Variants in CEBPG observed in about 807,000 individuals in gnomAD.
CEBPG encodes the protein CCAAT/enhancer-binding protein gamma.
In CEBPG, 6 loss-of-function variants were observed where a neutral mutation model predicts 11.1. The ratio of observed to expected loss-of-function variants is 0.54; its 90% CI spans 0.30 to 1.07. The LOEUF is 1.07. Ranked by LOEUF, CEBPG falls within the 50% of genes least tolerant of loss-of-function variation. The pLI is 0.07. For synonymous variants in CEBPG, 66 were observed against 71.0 expected, an observed-to-expected ratio of 0.93 and a Z score of 0.36; for missense variants, 161 against 187.4, an observed-to-expected ratio of 0.86 and a Z score of 0.82.
Position 33,380,951 on chromosome 19 carries a change from G to C in CEBPG, c.*1259G>C, listed in dbSNP as rs1967978576. Reference sequence around the variant, plus strand: ...TTCAGAAAATGCTGATAAAACTCAGGATATTGACATTTTTGTTGAGACTAA... The same window carrying C: ...TTCAGAAAATGCTGATAAAACTCAGCATATTGACATTTTTGTTGAGACTAA... On this transcript the variant is annotated 3_prime_UTR_variant, in exon 2 of 2. Coordinates refer to ENST00000284000, the MANE Select transcript of CEBPG (RefSeq NM_001806.4). 6.0e-6 allele frequency: 1 copy of C among 166,948 alleles called. No homozygotes were observed. Among genetic ancestry groups the C allele is most frequent in the Non-Finnish European group, 1.5e-5 (1 of 68,120 alleles). The allele number at this position is 166,948 out of a possible 1,614,324, so 10.3% of individuals were successfully genotyped here.
At position 33,381,988 on chromosome 19, in the gene CEBPG, C is replaced by T. The variant is rs994952572; in HGVS notation, c.*2296C>T. On this transcript the variant is annotated 3_prime_UTR_variant, in exon 2 of 2. Coordinates refer to ENST00000284000, the MANE Select transcript of CEBPG (RefSeq NM_001806.4). ...ATTTATCAGTATAAAATTAGGGAAA[C>T]CACGTGTGGGGAATGAATCAATTTA... 6.0e-6 allele frequency: 1 copy of T among 167,078 alleles called. No homozygotes were observed. Among genetic ancestry groups the T allele is most frequent in the East Asian group, 1.9e-4 (1 of 5,204 alleles). 10.3% of individuals were successfully genotyped at this position (167,078 alleles called of 1,614,324 possible).
At chr19:33,376,681 C>T (rs1169524450) in intron 1 of CEBPG, among the ~76,000 whole-genome samples, 6 of 152,220 alleles carry the variant, frequency 3.9e-5, no homozygotes, top group African/African-American at 9.7e-5. Context: ...AGCCAGGCGC[C>T]GCCCTGCATC....
Position 33,379,207 on chromosome 19 carries a change from A to G in CEBPG, c.-33A>G, listed in dbSNP as rs760729313. 6 of 1,505,670 alleles carry G rather than the reference A, an allele frequency of 4.0e-6. No homozygotes were observed. Among genetic ancestry groups the G allele is most frequent in the East Asian group, 4.6e-5 (2 of 43,826 alleles). 93.3% of individuals were successfully genotyped at this position (1,505,670 alleles called of 1,614,324 possible). On this transcript the variant is annotated 5_prime_UTR_variant, in exon 2 of 2. Coordinates refer to ENST00000284000, the MANE Select transcript of CEBPG (RefSeq NM_001806.4). ...CATTGATCACCCTGCTCTCATTTCT[A>G]CCTGTTCTGTGTTGGCAAGGGAGAG... is the stretch of plus-strand genomic sequence containing the variant.
At position 33,379,362 on chromosome 19, in the gene CEBPG, A is replaced by C; in HGVS notation, c.123A>C (p.Gly41=). 6.2e-7 allele frequency: 1 copy of C among 1,613,912 alleles called. No individual in the cohort carries two copies. The highest frequency in any genetic ancestry group is 2.2e-5 in the East Asian group (1 of 44,836). The change falls in exon 2 of 2, where the codon GGA becomes GGC. Residue 41 remains glycine, a synonymous_variant. Coordinates refer to ENST00000284000, the MANE Select transcript of CEBPG (RefSeq NM_001806.4). ...AGCTGGTGCCTGCTGGCCCTGGGGG[A>C]GGAGGCAAAGCTGTGGCTCCCAGCA... ...VPQLVPAGPG[G]GGKAVAPSKQ... is the part of the protein sequence containing the mutation.
chr19:33,375,436 C>A (rs1411091310), intron 1 of CEBPG, among the ~76,000 whole-genome samples: 1 of 152,036 alleles, frequency 6.6e-6, no homozygotes, highest in Non-Finnish European at 1.5e-5. Context: ...AGGGTTGGTT[C>A]CATGGGTTGT....
Position 33,379,635 on chromosome 19 carries a change from C to G in CEBPG, c.396C>G (p.Asn132Lys). 1 of 1,614,122 alleles carries G rather than the reference C, an allele frequency of 6.2e-7. No homozygotes were observed. The highest frequency in any genetic ancestry group is 1.1e-5 in the South Asian group (1 of 91,084). ...AGCATGCACACAACCTTGCAGACAACGTACAGTCCATTAGCACTGAAAATA... is the reference window on the plus strand; with the variant it reads ...AGCATGCACACAACCTTGCAGACAAGGTACAGTCCATTAGCACTGAAAATA... ...FLEHAHNLADNVQSISTENTT... is the reference protein window; with the variant it reads ...FLEHAHNLADKVQSISTENTT... The change falls in exon 2 of 2, where the codon AAC becomes AAG. Residue 132 changes from asparagine (N) to lysine (K), a missense_variant. By Grantham distance (94) the Asn-to-Lys change is moderately conservative. Coordinates refer to ENST00000284000, the MANE Select transcript of CEBPG (RefSeq NM_001806.4).
rs1162673700 is a variant in CEBPG at position 33,379,358 on chromosome 19, G to C, written c.119G>C (p.Gly40Ala). ...CCTCAGCTGGTGCCTGCTGGCCCTG[G>C]GGGAGGAGGCAAAGCTGTGGCTCCC... ...QVPQLVPAGP[G>A]GGGKAVAPSK... The change falls in exon 2 of 2, where the codon GGG (glycine) becomes GCG (alanine). Residue 40 changes from glycine (G) to alanine (A), a missense_variant. Gly to Ala is a moderately conservative substitution (Grantham distance 60, BLOSUM62 0). Transcript: ENST00000284000. 2.5e-6 allele frequency: 4 copies of C among 1,613,996 alleles called. No homozygotes were observed. In the East Asian group the frequency reaches 6.7e-5, roughly 27 times the overall value.
At position 33,381,524 on chromosome 19, in the gene CEBPG, T is replaced by C. The variant is rs1433255529; in HGVS notation, c.*1832T>C. 6.0e-6 allele frequency: 1 copy of C among 166,972 alleles called. No individual in the cohort carries two copies. The highest frequency in any genetic ancestry group is 6.5e-5 in the Admixed American group (1 of 15,294). The allele number at this position is 166,972 out of a possible 1,614,324, so 10.3% of individuals were successfully genotyped here. ...GGAGTATGAATCTACCCATGAAGGA[T>C]GAGAGATGTTTTGAAAAACTAGCCA... On this transcript the variant is annotated 3_prime_UTR_variant, in exon 2 of 2. Coordinates refer to ENST00000284000, the MANE Select transcript of CEBPG (RefSeq NM_001806.4).
In CEBPG at chr19:33,379,251, A is replaced by T. The variant is rs371934132; in HGVS notation, c.12A>T (p.Ile4=). 95 of 1,541,706 alleles carry T rather than the reference A, an allele frequency of 6.2e-5. 1 individual carries two copies. In the African/African-American group the frequency reaches 1.2e-3, roughly 20 times the overall value. Residue 4 remains isoleucine (I), a synonymous_variant, in exon 2 of 2, where the codon ATA becomes ATT. Transcript: ENST00000284000. ...GGGAGAGTGCCCAAATGAGCAAGAT[A>T]TCGCAGCAAAACAGCACTCCAGGGG... MSK[I]SQQNSTPGVN... is the part of the protein sequence containing the mutation.
intron 1 of CEBPG, chr19:33,374,407 A>G (rs1967884893): frequency 6.6e-6 from 1 of 152,268 alleles, no homozygotes; most frequent in Admixed American, 6.5e-5. Flanking sequence ...AGACTGATCA[A>G]TAAAATAGGG....
Position 33,379,254 on chromosome 19 carries a change from G to A in CEBPG, c.15G>A (p.Ser5=), listed in dbSNP as rs751317918. Residue 5 remains serine, a synonymous_variant, in exon 2 of 2, where the codon TCG becomes TCA. Coordinates refer to ENST00000284000, the MANE Select transcript of CEBPG (RefSeq NM_001806.4). MSKI[S]QQNSTPGVNG... is the part of the protein sequence containing the mutation. ...AGAGTGCCCAAATGAGCAAGATATC[G>A]CAGCAAAACAGCACTCCAGGGGTGA... The A allele has an allele frequency of 4.3e-5, 67 of 1,542,028 alleles. 1 individual carries two copies. The East Asian group carries it at 1.2e-3, about 28-fold the overall frequency.
At position 33,380,076 on chromosome 19, in the gene CEBPG, A is replaced by C. The variant is rs1207417632; in HGVS notation, c.*384A>C. The C allele has an allele frequency of 5.6e-6, 1 of 179,302 alleles. No homozygotes were observed. The highest frequency in any genetic ancestry group is 1.3e-5 in the Non-Finnish European group (1 of 76,418). The allele number at this position is 179,302 out of a possible 1,614,324, so 11.1% of individuals were successfully genotyped here. ...GTTCTTGGTTTTAATGGATAGGCTG[A>C]ATTGGATTAAGAAAAGTTGAATGCC... On this transcript the variant is annotated 3_prime_UTR_variant, in exon 2 of 2. Coordinates refer to ENST00000284000, the MANE Select transcript of CEBPG (RefSeq NM_001806.4).
Position 33,381,309 on chromosome 19 carries a change from A to C in CEBPG, c.*1617A>C, listed in dbSNP as rs1347632270. ...CCCTCCGGTTGGTGGAAGATTGCTG[A>C]CCGTGCCGTTTCTGGGCAGGAGAAG... On this transcript the variant is annotated 3_prime_UTR_variant, in exon 2 of 2. Coordinates refer to ENST00000284000, the MANE Select transcript of CEBPG (RefSeq NM_001806.4). The C allele has an allele frequency of 6.0e-6, 1 of 167,070 alleles. No homozygotes were observed. Among genetic ancestry groups the C allele is most frequent in the East Asian group, 1.9e-4 (1 of 5,200 alleles). The allele number at this position is 167,070 out of a possible 1,614,324, so 10.3% of individuals were successfully genotyped here. A position where few individuals can be genotyped will look rare whatever the true frequency, so the allele number is the denominator to read the frequency against.
chr19:33,381,803 C>T lies in CEBPG; in HGVS notation c.*2111C>T, dbSNP rs911857337. 1 of 167,008 alleles carries T rather than the reference C, an allele frequency of 6.0e-6. No individual in the cohort carries two copies. The highest frequency in any genetic ancestry group is 6.5e-5 in the Admixed American group (1 of 15,274). The allele number at this position is 167,008 out of a possible 1,614,324, so 10.3% of individuals were successfully genotyped here. ...GTACTCAGTATTTCAAATCAGAACACAAGATTGGAACTTTTGGAAAAATGG... is the reference window on the plus strand; with the variant it reads ...GTACTCAGTATTTCAAATCAGAACATAAGATTGGAACTTTTGGAAAAATGG... On this transcript the variant is annotated 3_prime_UTR_variant, in exon 2 of 2. Coordinates refer to ENST00000284000, the MANE Select transcript of CEBPG (RefSeq NM_001806.4).
At position 33,382,361 on chromosome 19, in the gene CEBPG, C is replaced by T. The variant is rs1203313567; in HGVS notation, c.*2669C>T. 1.2e-5 allele frequency: 2 copies of T among 167,100 alleles called. No individual in the cohort carries two copies. The highest frequency in any genetic ancestry group is 1.5e-5 in the Non-Finnish European group (1 of 68,120). 10.4% of individuals were successfully genotyped at this position (167,100 alleles called of 1,614,324 possible). ...TTTACATAAAAAGTAGAAGTATAGA[C>T]AGTTTAACATTTGGTATTAAAGGAG... On this transcript the variant is annotated 3_prime_UTR_variant, in exon 2 of 2. Coordinates refer to ENST00000284000, the MANE Select transcript of CEBPG (RefSeq NM_001806.4).
At chr19:33,376,625 T>C (rs890036868) in intron 1 of CEBPG, among the ~76,000 whole-genome samples, 1 of 152,236 alleles carries the variant, frequency 6.6e-6, no homozygotes, top group East Asian at 1.9e-4. Flanking sequence ...ACCACTGCTC[T>C]TCAGCTTTCC....
At chr19:33,374,981 T>G (rs1044961135) in intron 1 of CEBPG, among the ~76,000 whole-genome samples, 1 of 152,204 alleles carries the variant, frequency 6.6e-6, no homozygotes, top group African/African-American at 2.4e-5. Context: ...TGGTCATCTG[T>G]TAGCCCTTGA....
In CEBPG at chr19:33,380,580, C is replaced by T. The variant is rs924134674; in HGVS notation, c.*888C>T. 1.2e-5 allele frequency: 2 copies of T among 166,992 alleles called. No homozygotes were observed. The highest frequency in any genetic ancestry group is 1.3e-4 in the Admixed American group (2 of 15,282). 10.3% of individuals were successfully genotyped at this position (166,992 alleles called of 1,614,324 possible). A position where few individuals can be genotyped will look rare whatever the true frequency, so the allele number is the denominator to read the frequency against. ...CTTAACAGTTTGATGACACAAGCTA[C>T]TGATGAGGGTTTGGAATATTAATTC... On this transcript the variant is annotated 3_prime_UTR_variant, in exon 2 of 2. Coordinates refer to ENST00000284000, the MANE Select transcript of CEBPG (RefSeq NM_001806.4).
Position 33,379,499 on chromosome 19 carries a change from C to T in CEBPG, c.260C>T (p.Ala87Val). Residue 87 changes from alanine (A) to valine (V), a missense_variant, in exon 2 of 2, where the codon GCA becomes GTA. Transcript: ENST00000284000. ...KKSRLKSKQK[A>V]QDTLQRVNQL... is the part of the protein sequence containing the mutation. ...AGCCGGTTGAAAAGCAAGCAGAAAGCACAAGACACACTGCAGAGAGTCAAT... is the reference window on the plus strand; with the variant it reads ...AGCCGGTTGAAAAGCAAGCAGAAAGTACAAGACACACTGCAGAGAGTCAAT... The T allele has an allele frequency of 2.5e-6, 4 of 1,613,920 alleles. No individual in the cohort carries two copies. Among genetic ancestry groups the T allele is most frequent in the Non-Finnish European group, 3.4e-6 (4 of 1,179,954 alleles).
Sources: allele counts gnomAD v4.1 joint callset (sites outside exome capture counted in the v4.1 genomes callset), GRCh38; gene constraint gnomAD v4.1.1; transcripts MANE v1.5; gene names NCBI Gene and HGNC (gene_info 2026-07-23, HGNC 2026-07-21).